CDC42BPA: variants seen among roughly 807,000 people sequenced by gnomAD.
CDC42BPA encodes serine/threonine-protein kinase MRCK alpha.
A neutral mutation model predicts 223.5 loss-of-function variants in CDC42BPA; 80 were observed. The observed-to-expected ratio is 0.36, with a 90% CI of 0.30 to 0.43. The LOEUF (loss-of-function observed/expected upper bound fraction) is 0.43, where lower values mean the gene tolerates loss of function less well. CDC42BPA is among the 20% of genes least tolerant of loss of function. The probability of loss-of-function intolerance (pLI) is 1.00; values close to 1 mark genes in which losing one functional copy is unlikely to be tolerated. For synonymous variants in CDC42BPA, 694 were observed against 718.6 expected (o/e 0.97, Z 0.55); for missense variants, 1,743 against 2,099.9 (o/e 0.83, Z 3.32).
At chr1:227,082,644 G>C (rs566394711) in intron 16 of CDC42BPA, among the ~76,000 whole-genome samples, 1 of 149,788 alleles carries the variant, frequency 6.7e-6, no homozygotes, top group Non-Finnish European at 1.5e-5. Context: ...GAACCCGGTA[G>C]GTGGAGTTTG....
chr1:227,165,153 T>C (rs1345441207), intron 5 of CDC42BPA, among the ~76,000 whole-genome samples: 2 of 152,226 alleles, frequency 1.3e-5, no homozygotes, highest in Non-Finnish European at 2.9e-5. Context: ...AAAATATTTA[T>C]GGGAGTAAAC....
chr1:227,070,094 CTTTT>C (rs1290115183), intron 20 of CDC42BPA, among the ~76,000 whole-genome samples: 2 of 151,760 alleles, frequency 1.3e-5, no homozygotes, highest in African/African-American at 4.8e-5. Flanking sequence ...GAGTTTCTTT[CTTTT>C]TGTGTATAGT....
At chr1:227,292,424 AAGAT>A (rs1232216402) in intron 1 of CDC42BPA, among the ~76,000 whole-genome samples, 4 of 152,238 alleles carry the variant, frequency 2.6e-5, no homozygotes, top group African/African-American at 9.6e-5. Flanking sequence ...AGAAAGATAA[AAGAT>A]AGGTATCATA....
chr1:227,213,513 C>T (rs1674305437), intron 2 of CDC42BPA, among the ~76,000 whole-genome samples: 1 of 152,040 alleles, frequency 6.6e-6, no homozygotes, highest in Non-Finnish European at 1.5e-5. Context: ...TCCCCCTTTC[C>T]AACTTTTCTG....
chr1:227,245,834 C>T (rs908129062), intron 2 of CDC42BPA, among the ~76,000 whole-genome samples: 1 of 152,212 alleles, frequency 6.6e-6, no homozygotes, highest in Non-Finnish European at 1.5e-5. Context: ...AGGGAGTATG[C>T]TGTGGGCCTT....
chr1:227,241,097 C>A (rs1280637182), intron 2 of CDC42BPA, among the ~76,000 whole-genome samples: 1 of 151,916 alleles, frequency 6.6e-6, no homozygotes, highest in Non-Finnish European at 1.5e-5. Flanking sequence ...TTAATAGGCA[C>A]ACAAAAACCC....
At chr1:227,310,581 G>C (rs1427602457) in intron 1 of CDC42BPA, among the ~76,000 whole-genome samples, 2 of 152,094 alleles carry the variant, frequency 1.3e-5, no homozygotes, top group Admixed American at 1.3e-4. Flanking sequence ...GTCATAGGAA[G>C]GAAGTGTGTA....
chr1:227,133,492 G>A (rs968971077), intron 10 of CDC42BPA, among the ~76,000 whole-genome samples: 1 of 152,228 alleles, frequency 6.6e-6, no homozygotes, highest in African/African-American at 2.4e-5. Flanking sequence ...AACGGGCCAT[G>A]ATGACAATGG....
rs1553394715 is a variant in CDC42BPA at position 227,205,286 on chromosome 1, AT to A, written c.355-5635del. Among the ~76,000 whole-genome samples the A allele has an allele frequency of 3.4e-4, 29 of 85,646 alleles. 1 individual carries two copies. Among genetic ancestry groups the A allele is most frequent in the Non-Finnish European group, 4.8e-4 (19 of 39,672 alleles). 56.2% of individuals were successfully genotyped at this position (85,646 alleles called of 152,430 possible). ...TCTGTCTCAAAAAAAAAAAAAAAAT[AT>A]ATATATATATATATATATACACACA... On this transcript the variant is annotated intron_variant, in intron 3 of 36. Transcript: ENST00000366766.
chr1:227,262,902 G>C (rs933686574), intron 1 of CDC42BPA, among the ~76,000 whole-genome samples: 3 of 152,146 alleles, frequency 2.0e-5, no homozygotes, highest in African/African-American at 7.2e-5. Flanking sequence ...AGTTAATGAA[G>C]GTAACAAAGC....
intron 15 of CDC42BPA, among the ~76,000 whole-genome samples, chr1:227,099,409 A>G (rs1031274328): frequency 1.3e-5 from 2 of 151,882 alleles, no homozygotes; most frequent in African/African-American, 4.8e-5. Flanking sequence ...TGTAAGCTTC[A>G]TTCATGGTAA....
intron 10 of CDC42BPA, among the ~76,000 whole-genome samples, chr1:227,133,825 G>T (rs1657897641): frequency 6.6e-6 from 1 of 151,944 alleles, no homozygotes; most frequent in Admixed American, 6.6e-5. Context: ...CACAAACACT[G>T]CGGAAGGCCG....
chr1:227,031,235 C>T, intron 28 of CDC42BPA, 63 bp downstream of exon 28: 1 of 1,310,476 alleles, frequency 7.6e-7, no homozygotes, highest in Non-Finnish European at 1.1e-6. Flanking sequence ...GAAAGCCAAT[C>T]CCTGTTCTCA....
intron 1 of CDC42BPA, among the ~76,000 whole-genome samples, chr1:227,286,199 G>A (rs1688774642): frequency 6.6e-6 from 1 of 152,124 alleles, no homozygotes; most frequent in South Asian, 2.1e-4. Context: ...ATTTTATGCT[G>A]TTTCCCTTTT....
chr1:227,205,268 C>CAAAAAA (rs1158919272), intron 3 of CDC42BPA, among the ~76,000 whole-genome samples: 20 of 110,184 alleles, frequency 1.8e-4, no homozygotes, highest in African/African-American at 7.1e-4. Context: ...GACTCTGTCT[C>CAAAAAA]AAAAAAAAAA....
chr1:227,124,562 A>T (rs1052075251), intron 11 of CDC42BPA, among the ~76,000 whole-genome samples: 5 of 152,044 alleles, frequency 3.3e-5, no homozygotes, highest in Admixed American at 1.3e-4. Flanking sequence ...GTATTTTTTT[A>T]AAAAAAGGGA....
intron 34 of CDC42BPA, chr1:227,011,033 G>A (rs1416993434): frequency 1.5e-6 from 2 of 1,356,068 alleles, no homozygotes; most frequent in Non-Finnish European, 2.0e-6. Flanking sequence ...AGACCGGAGT[G>A]ATGATGAGGG....
intron 20 of CDC42BPA, among the ~76,000 whole-genome samples, chr1:227,070,864 G>A (rs1357882818): frequency 6.6e-6 from 1 of 151,882 alleles, no homozygotes; most frequent in East Asian, 1.9e-4. Context: ...TCAAGTTTAG[G>A]TCTATTCTAA....
At chr1:227,145,197 G>T (rs1041209239) in intron 8 of CDC42BPA, among the ~76,000 whole-genome samples, 2 of 152,114 alleles carry the variant, frequency 1.3e-5, no homozygotes, top group African/African-American at 4.8e-5. Flanking sequence ...CATAAAATCT[G>T]CTTTTTTAAA....
Sources: gnomAD v4.1 joint callset for allele counts (sites outside exome capture counted in the v4.1 genomes callset) on GRCh38, gnomAD v4.1.1 for gene constraint, MANE v1.5 for transcripts, NCBI Gene and HGNC (gene_info 2026-07-23, HGNC 2026-07-21) for gene names.